BAZ2B: variants seen among roughly 807,000 people sequenced by gnomAD.
BAZ2B encodes the protein bromodomain adjacent to zinc finger domain protein 2B.
A neutral mutation model predicts 246.0 loss-of-function variants in BAZ2B; 91 were observed. The observed-to-expected ratio is 0.37, with a 90% CI of 0.31 to 0.44. The LOEUF is 0.44. Ranked by LOEUF, BAZ2B falls within the 20% of genes least tolerant of loss-of-function variation. The pLI is 1.00. For missense variants in BAZ2B, 2,332 were observed against 2,533.7 expected, an observed-to-expected ratio of 0.92 and a Z score of 1.71; for synonymous variants, 855 against 860.0, an observed-to-expected ratio of 0.99 and a Z score of 0.10.
At chr2:159,661,790 T>C in the BAZ2B span, among the ~76,000 whole-genome samples, 1 of 148,248 alleles carries the variant, frequency 6.7e-6, no homozygotes, top group Non-Finnish European at 1.5e-5. Context: ...TTTTTTTTTT[T>C]AATTGAGACA....
downstream of BAZ2B, among the ~76,000 whole-genome samples, chr2:159,315,614 G>A (rs1019147539): frequency 9.2e-5 from 14 of 152,166 alleles, no homozygotes; most frequent in East Asian, 7.7e-4. Flanking sequence ...AGAACAAGGC[G>A]GAAGCAGCAG....
chr2:159,426,993 C>G (rs1156489680), intron 13 of BAZ2B, among the ~76,000 whole-genome samples: 1 of 152,120 alleles, frequency 6.6e-6, no homozygotes, highest in Non-Finnish European at 1.5e-5. Context: ...GCTGGCTGAG[C>G]ATTTTAGCCT....
intron 2 of BAZ2B, among the ~76,000 whole-genome samples, chr2:159,502,931 T>C (rs568911186): frequency 6.6e-5 from 10 of 152,294 alleles, no homozygotes; most frequent in Admixed American, 5.2e-4. Context: ...TTAATTCAGT[T>C]TGGGGACTAA....
intron 34 of BAZ2B, among the ~76,000 whole-genome samples, chr2:159,329,611 G>A (rs1281272213): frequency 6.6e-6 from 1 of 152,142 alleles, no homozygotes; most frequent in African/African-American, 2.4e-5. Flanking sequence ...AGAGCAAGGT[G>A]TATGTATAGT....
At chr2:159,548,382 T>C (rs1242630433) in intron 2 of BAZ2B, among the ~76,000 whole-genome samples, 2 of 152,200 alleles carry the variant, frequency 1.3e-5, no homozygotes, top group African/African-American at 2.4e-5. Context: ...AGATAGTACA[T>C]AGTAAACTTG....
intron 3 of BAZ2B, among the ~76,000 whole-genome samples, chr2:159,477,384 G>A (rs1172214119): frequency 6.6e-6 from 1 of 151,634 alleles, no homozygotes; most frequent in Non-Finnish European, 1.5e-5. Context: ...CACATATAGT[G>A]CTATTTTAGT....
chr2:159,443,295 T>C (rs1241044764), intron 6 of BAZ2B, among the ~76,000 whole-genome samples: 2 of 152,222 alleles, frequency 1.3e-5, no homozygotes, highest in Non-Finnish European at 2.9e-5. Context: ...CTGTATATTT[T>C]AGTCTTAGTT....
intron 13 of BAZ2B, among the ~76,000 whole-genome samples, chr2:159,416,501 T>C (rs923874041): frequency 2.6e-5 from 4 of 152,196 alleles, no homozygotes; most frequent in Admixed American, 2.0e-4. Flanking sequence ...TTCATGATAC[T>C]TGGAAGAGAA....
At chr2:159,499,774 G>A (rs894630624) in intron 2 of BAZ2B, among the ~76,000 whole-genome samples, 23 of 152,180 alleles carry the variant, frequency 1.5e-4, no homozygotes, top group African/African-American at 5.1e-4. Context: ...AATGATCAGT[G>A]ATGTTGAGCT....
the BAZ2B span, among the ~76,000 whole-genome samples, chr2:159,651,252 A>G: frequency 7.9e-5 from 12 of 152,206 alleles, no homozygotes; most frequent in Admixed American, 3.3e-4. Flanking sequence ...AAGTAATGAG[A>G]TGGCTATAGA....
the BAZ2B span, among the ~76,000 whole-genome samples, chr2:159,667,891 T>C: frequency 6.6e-6 from 1 of 152,084 alleles, no homozygotes; most frequent in Admixed American, 6.5e-5. Flanking sequence ...TTCACATTGA[T>C]TTTACCATCA....
At chr2:159,387,641 T>C (rs533329635) in intron 21 of BAZ2B, among the ~76,000 whole-genome samples, 154 of 152,202 alleles carry the variant, frequency 1.0e-3, no homozygotes, top group Non-Finnish European at 1.5e-3. Flanking sequence ...TCTCCCTTTT[T>C]CTTGAACCAC....
chr2:159,461,509 A>T (rs1330703567), intron 3 of BAZ2B: 2 of 152,560 alleles, frequency 1.3e-5, no homozygotes, highest in Non-Finnish European at 2.9e-5. Context: ...GTTTTTGTTT[A>T]TGATTTACAT....
At chr2:159,621,023 G>A (rs1456820866), upstream of BAZ2B, among the ~76,000 whole-genome samples, 1 of 152,224 alleles carries the variant, frequency 6.6e-6, no homozygotes, top group Non-Finnish European at 1.5e-5. Flanking sequence ...TAAAATTTCA[G>A]TTTGGTGACT....
intron 1 of BAZ2B, among the ~76,000 whole-genome samples, chr2:159,581,138 G>A (rs924352955): frequency 3.9e-5 from 6 of 151,914 alleles, no homozygotes; most frequent in South Asian, 2.1e-4. Context: ...GCAACCTACA[G>A]AATGGGAGAA....
chr2:159,337,849 C>T, intron 31 of BAZ2B, 77 bp from the exon 32 acceptor site: 1 of 1,368,256 alleles, frequency 7.3e-7, no homozygotes, highest in Non-Finnish European at 1.0e-6. Context: ...ACTTAAAATA[C>T]AGCATTGGAT....
intron 14 of BAZ2B, among the ~76,000 whole-genome samples, chr2:159,407,323 T>C (rs2066112591): frequency 6.6e-6 from 1 of 151,690 alleles, no homozygotes; most frequent in Non-Finnish European, 1.5e-5. Context: ...AATACAAAAA[T>C]TAGCCAGGCG....
At chr2:159,440,398 C>T (rs2073152237) in intron 6 of BAZ2B, among the ~76,000 whole-genome samples, 1 of 151,936 alleles carries the variant, frequency 6.6e-6, no homozygotes. Flanking sequence ...ATTGAAGCCA[C>T]GGTTACAGAT....
At chr2:159,521,154 T>C (rs1029516629) in intron 2 of BAZ2B, among the ~76,000 whole-genome samples, 1 of 152,040 alleles carries the variant, frequency 6.6e-6, no homozygotes, top group Non-Finnish European at 1.5e-5. Context: ...CACTGAAGTA[T>C]CTCATATTAT....
Sources: gnomAD v4.1 joint callset for allele counts (sites outside exome capture counted in the v4.1 genomes callset) on GRCh38, gnomAD v4.1.1 for gene constraint, MANE v1.5 for transcripts, NCBI Gene and HGNC (gene_info 2026-07-23, HGNC 2026-07-21) for gene names.